The following SYNJ2 variants were observed in gnomAD, a reference collection of about 807,000 sequenced individuals.
The protein encoded by SYNJ2 is polyphosphatidylinositol phosphatase SYNJ2.
A neutral mutation model predicts 141.3 loss-of-function variants in SYNJ2; 116 were observed. That is an observed-to-expected ratio of 0.82 (90% CI 0.71 to 0.96). The LOEUF (loss-of-function observed/expected upper bound fraction) is 0.96. Ranked by LOEUF, SYNJ2 falls within the 40% of genes least tolerant of loss-of-function variation. The pLI is 0.00. For synonymous variants in SYNJ2, 745 were observed against 777.7 expected (o/e 0.96, Z 0.70); for missense variants, 1,873 against 1,934.8 (o/e 0.97, Z 0.60).
intron 17 of SYNJ2, chr6:158,077,650 TAAAAAAAAAAAAA>T (rs56028079): frequency 0.34 from 44,193 of 128,670 alleles, 6,825 homozygotes; most frequent in Non-Finnish European, 0.35. Flanking sequence ...AACTAGTACA[TAAAAAAAAAAAAA>T]AAAAAAAAAA....
In SYNJ2 at chr6:158,088,703, C is replaced by T. The variant is rs1430916733; in HGVS notation, c.3387C>T (p.Ser1129=). ...AGTCGGCTTCAGATGCGTCCATCTCCTCCGGCACCCATGGACAGTATTCAA... is the reference window on the plus strand; with the variant it reads ...AGTCGGCTTCAGATGCGTCCATCTCTTCCGGCACCCATGGACAGTATTCAA... ...VKKSASDASI[S]SGTHGQYSIL... The change falls in exon 24 of 27, where the codon TCC becomes TCT. Residue 1129 remains serine (S), a synonymous_variant. Transcript: ENST00000355585. The T allele has an allele frequency of 6.2e-7, 1 of 1,614,116 alleles. No homozygotes were observed. The highest frequency in any genetic ancestry group is 1.1e-5 in the South Asian group (1 of 91,074).
intron 1 of SYNJ2, among the ~76,000 whole-genome samples, chr6:158,002,003 G>C (rs971064293): frequency 6.6e-6 from 1 of 152,146 alleles, no homozygotes; most frequent in South Asian, 2.1e-4. Flanking sequence ...AGTGACTCCA[G>C]CCAGGCTGTG....
At chr6:158,008,396 G>T (rs980548921) in intron 1 of SYNJ2, among the ~76,000 whole-genome samples, 1 of 152,224 alleles carries the variant, frequency 6.6e-6, no homozygotes, top group Admixed American at 6.5e-5. Context: ...TCAAGCTTTG[G>T]CATGCATTCA....
chr6:157,983,831 ATT>A (rs566097714), intron 1 of SYNJ2, among the ~76,000 whole-genome samples: 3,054 of 144,714 alleles, frequency 0.021, 97 homozygotes, highest in African/African-American at 0.075. Context: ...TTAAAAAAAA[ATT>A]TTTTTTTTTT....
intron 1 of SYNJ2, among the ~76,000 whole-genome samples, chr6:157,985,312 A>G (rs1583273923): frequency 6.6e-6 from 1 of 152,234 alleles, no homozygotes; most frequent in East Asian, 1.9e-4. Context: ...GCCTGCTAGC[A>G]GGATTGTTGA....
rs1422608889 is a variant in SYNJ2 at position 158,063,848 on chromosome 6, T to C, written c.1185T>C (p.Thr395=). The change falls in exon 9 of 27, where the codon ACT becomes ACC. Residue 395 remains threonine, a synonymous_variant. Coordinates refer to ENST00000355585, the MANE Select transcript of SYNJ2 (RefSeq NM_003898.4). ...TTGACTGCCTGGACCGAACCAACAC[T>C]GTGCAGAGCTTCATCGCGCTCGAGG... is the stretch of plus-strand genomic sequence containing the variant. ...NCLDCLDRTN[T]VQSFIALEVL... 3 of 1,613,644 alleles carry C rather than the reference T, an allele frequency of 1.9e-6. No homozygotes were observed. The highest frequency in any genetic ancestry group is 2.2e-5 in the East Asian group (1 of 44,868).
rs771512849 is a variant in SYNJ2 at position 158,088,707 on chromosome 6, G to A, written c.3391G>A (p.Gly1131Ser). ...GGCTTCAGATGCGTCCATCTCCTCC[G>A]GCACCCATGGACAGTATTCAATTTT... ...KSASDASISS[G>S]THGQYSILQT... Residue 1131 changes from glycine (G) to serine (S), a missense_variant, in exon 24 of 27, where the codon GGC becomes AGC. Coordinates refer to ENST00000355585, the MANE Select transcript of SYNJ2 (RefSeq NM_003898.4). 102 of 1,613,822 alleles carry A rather than the reference G, an allele frequency of 6.3e-5. No individual in the cohort carries two copies. The highest frequency in any genetic ancestry group is 1.0e-4 in the Admixed American group (6 of 59,980).
At chr6:158,077,255 A>G (rs1251005607) in intron 17 of SYNJ2, among the ~76,000 whole-genome samples, 2 of 152,042 alleles carry the variant, frequency 1.3e-5, no homozygotes, top group African/African-American at 2.4e-5. Flanking sequence ...CGGCCTCCCA[A>G]AGTGCTGGGA....
chr6:158,011,173 C>T (rs1055607030), intron 1 of SYNJ2, among the ~76,000 whole-genome samples: 4 of 152,046 alleles, frequency 2.6e-5, no homozygotes, highest in South Asian at 2.1e-4. Flanking sequence ...TGCCACGCGA[C>T]GACGGAGGAA....
In SYNJ2 at chr6:158,035,520, C is replaced by T. The variant is rs137992584; in HGVS notation, c.711+1840C>T. On this transcript the variant is annotated intron_variant, in intron 4 of 26. Transcript: ENST00000355585. Reference sequence around the variant, plus strand: ...TTGATTTTGTATTCTGAGACTTTGCCGAAGCTGTTTATCAGGTTAAGGAGA... The same window carrying T: ...TTGATTTTGTATTCTGAGACTTTGCTGAAGCTGTTTATCAGGTTAAGGAGA... 1.9e-3 allele frequency among the ~76,000 whole-genome samples: 285 copies of T among 152,086 alleles called. 1 individual carries two copies. Among genetic ancestry groups the T allele is most frequent in the African/African-American group, 6.6e-3 (275 of 41,462 alleles).
At position 158,067,164 on chromosome 6, in the gene SYNJ2, G is replaced by A. The variant is rs763629603; in HGVS notation, c.1717+529G>A. ...CTCTCGAGTAGCTGGGATTACAGGC[G>A]CCCACCACCACGCCCAGCTAATTTT... On this transcript the variant is annotated intron_variant, in intron 12 of 26. Coordinates refer to ENST00000355585, the MANE Select transcript of SYNJ2 (RefSeq NM_003898.4). 1.4e-4 allele frequency among the ~76,000 whole-genome samples: 21 copies of A among 152,094 alleles called. 1 individual carries two copies. The highest frequency in any genetic ancestry group is 2.2e-4 in the Non-Finnish European group (15 of 67,996).
chr6:157,993,611 G>A (rs1011589234), intron 1 of SYNJ2, among the ~76,000 whole-genome samples: 2 of 151,434 alleles, frequency 1.3e-5, no homozygotes, highest in African/African-American at 4.9e-5. Context: ...TTTTTGCCCA[G>A]GTCAATGTCC....
chr6:158,085,212 G>A (rs1437963949), intron 22 of SYNJ2, among the ~76,000 whole-genome samples: 1 of 151,940 alleles, frequency 6.6e-6, no homozygotes, highest in East Asian at 1.9e-4. Context: ...GTAGAGACGG[G>A]GTCTCACTAT....
intron 26 of SYNJ2, 149 bp downstream of exon 26, chr6:158,093,253 G>A (rs915143748): frequency 2.4e-6 from 2 of 838,068 alleles, no homozygotes; most frequent in Non-Finnish European, 3.6e-6. Context: ...GACCAACATG[G>A]TGTGAAACCC....
chr6:157,982,253 T>C lies in SYNJ2; in HGVS notation c.127+165T>C, dbSNP rs1562303200. Reference sequence around the variant, plus strand: ...GGTGGCTGTTTGAATGAAGTGGGGCTGGGGACTCGAGAGAGCACTCTGGCT... The same window carrying C: ...GGTGGCTGTTTGAATGAAGTGGGGCCGGGGACTCGAGAGAGCACTCTGGCT... On this transcript the variant is annotated intron_variant, in intron 1 of 26. Transcript: ENST00000355585. This position sits in a 1 kb window ranked among gnomAD's most constrained non-coding sequence, Gnocchi z 4.0. Among the ~76,000 whole-genome samples, 1 of 151,968 alleles carries C rather than the reference T, an allele frequency of 6.6e-6. No individual in the cohort carries two copies. Among genetic ancestry groups the C allele is most frequent in the Non-Finnish European group, 1.5e-5 (1 of 67,978 alleles).
intron 8 of SYNJ2, among the ~76,000 whole-genome samples, chr6:158,063,285 G>A (rs764138285): frequency 3.3e-5 from 5 of 151,990 alleles, no homozygotes; most frequent in African/African-American, 7.2e-5. Context: ...TGTGTGTCCT[G>A]GGGTCTGCCT....
intron 25 of SYNJ2, among the ~76,000 whole-genome samples, chr6:158,092,285 T>C (rs906246642): frequency 6.6e-6 from 1 of 152,176 alleles, no homozygotes; most frequent in Non-Finnish European, 1.5e-5. Flanking sequence ...AGGGTCTCAC[T>C]GGTCCCCATC....
At chr6:158,087,082 C>G (rs11962662) in intron 23 of SYNJ2, 93 bp downstream of exon 23, 11 of 1,449,932 alleles carry the variant, frequency 7.6e-6, no homozygotes, top group Non-Finnish European at 9.3e-7. Context: ...ATCCACTTCT[C>G]CCCGGCCTTC....
Position 157,981,890 on chromosome 6 carries a change from G to T in SYNJ2, c.-72G>T, listed in dbSNP as rs1227769111. 1 of 1,198,044 alleles carries T rather than the reference G, an allele frequency of 8.3e-7. No homozygotes were observed. The highest frequency in any genetic ancestry group is 3.2e-4 in the Middle Eastern group (1 of 3,126). 74.2% of individuals were successfully genotyped at this position (1,198,044 alleles called of 1,614,324 possible). On this transcript the variant is annotated 5_prime_UTR_variant, in exon 1 of 27. Transcript: ENST00000355585. This position sits in a 1 kb window ranked among gnomAD's most constrained non-coding sequence, Gnocchi z 6.4. ...AACTCTGGCAAGTTGCGGGCGCGCG[G>T]GGAGCTGTCGCGGGCAGCGCGCCCT...
Sources: gnomAD v4.1 joint callset for allele counts (sites outside exome capture counted in the v4.1 genomes callset) on GRCh38, gnomAD v4.1.1 for gene constraint, Gnocchi (gnomAD v3.1) non-coding constraint, MANE v1.5 for transcripts, NCBI Gene and HGNC (gene_info 2026-07-23, HGNC 2026-07-21) for gene names.